URI1: variants seen among roughly 807,000 people sequenced by gnomAD.
URI1 encodes unconventional prefoldin RPB5 interactor 1.
In URI1, 39 loss-of-function variants were observed where a neutral mutation model predicts 60.2. That is an observed-to-expected ratio of 0.65 (90% CI 0.50 to 0.85). URI1 has a LOEUF of 0.85. URI1 is among the 40% of genes least tolerant of loss of function. The pLI is 0.00. For synonymous variants in URI1, 251 were observed against 236.8 expected (o/e 1.06, Z -0.55); for missense variants, 691 against 665.9 (o/e 1.04, Z -0.42).
chr19:29,970,603 G>A (rs1420976584), intron 1 of URI1, among the ~76,000 whole-genome samples: 1 of 152,046 alleles, frequency 6.6e-6, no homozygotes, highest in Non-Finnish European at 1.5e-5. Flanking sequence ...AGTGCTTACA[G>A]TCTTGATCAT....
chr19:29,946,371 T>G (rs1364746203), intron 1 of URI1, among the ~76,000 whole-genome samples: 1 of 152,232 alleles, frequency 6.6e-6, no homozygotes, highest in Non-Finnish European at 1.5e-5. Context: ...AAGGTGATGT[T>G]TCTGAGATAC....
chr19:29,942,132 C>T (rs2055032430), upstream of URI1: 1 of 829,396 alleles, frequency 1.2e-6, no homozygotes, highest in Non-Finnish European at 1.5e-6. Context: ...GCCCCAGCCA[C>T]GCGGTTCGCA....
chr19:29,978,619 A>C (rs1441236974), intron 2 of URI1, among the ~76,000 whole-genome samples: 1 of 152,162 alleles, frequency 6.6e-6, no homozygotes, highest in Non-Finnish European at 1.5e-5. Flanking sequence ...CTTGGTGATA[A>C]TCCTGAGTGC....
rs144764107 is a variant in URI1 at position 29,975,718 on chromosome 19, C to A, written c.152+4491C>A. Among the ~76,000 whole-genome samples the A allele has an allele frequency of 5.9e-3, 895 of 152,232 alleles. 11 individuals are homozygous for A. The highest frequency in any genetic ancestry group is 0.02 in the African/African-American group (851 of 41,524). On this transcript the variant is annotated intron_variant, in intron 2 of 10. Coordinates refer to ENST00000392271, the MANE Select transcript of URI1 (RefSeq NM_003796.3). ...ACGGGGTTTCACCGTGTTGCCCAGG[C>A]TGGTCTCGAACTCCTGAGCTCAGGC... is the stretch of plus-strand genomic sequence containing the variant.
intron 1 of URI1, among the ~76,000 whole-genome samples, chr19:29,931,330 G>T (rs2054915547): frequency 6.6e-6 from 1 of 152,144 alleles, no homozygotes; most frequent in Non-Finnish European, 1.5e-5. Flanking sequence ...CCATGATGAA[G>T]GTGTTGGAAA....
intron 4 of URI1, among the ~76,000 whole-genome samples, chr19:30,003,335 T>C (rs1189759397): frequency 6.6e-6 from 1 of 152,038 alleles, no homozygotes; most frequent in Admixed American, 6.6e-5. Context: ...ATAGGACTTA[T>C]GATAATTTAA....
chr19:29,963,313 TG>T (rs2055349534), intron 1 of URI1, among the ~76,000 whole-genome samples: 1 of 152,172 alleles, frequency 6.6e-6, no homozygotes, highest in South Asian at 2.1e-4. Context: ...TTTGAATCTC[TG>T]GGCTTTAATT....
chr19:29,969,925 A>T (rs545827811), intron 1 of URI1, among the ~76,000 whole-genome samples: 80 of 152,114 alleles, frequency 5.3e-4, no homozygotes, highest in Non-Finnish European at 1.0e-3. Context: ...TATGTGATTG[A>T]TACTTACTGA....
At chr19:29,957,446 T>A (rs901173875) in intron 1 of URI1, among the ~76,000 whole-genome samples, 1 of 152,132 alleles carries the variant, frequency 6.6e-6, no homozygotes, top group Non-Finnish European at 1.5e-5. Context: ...TCATAAATTA[T>A]GTGATTATTT....
At chr19:29,956,308 G>T (rs1266893661) in intron 1 of URI1, 3,115 of 292,276 alleles carry the variant, frequency 0.011, no homozygotes, top group Non-Finnish European at 0.017. Flanking sequence ...TTTTTTTTAA[G>T]AAGGTCCAAA....
intron 1 of URI1, among the ~76,000 whole-genome samples, chr19:29,948,765 G>T (rs2055133384): frequency 6.6e-6 from 1 of 152,150 alleles, no homozygotes; most frequent in South Asian, 2.1e-4. Context: ...GCAACAATCC[G>T]ATTCCTTTAT....
In URI1 at chr19:30,015,293, T is replaced by A; in HGVS notation, c.*224T>A. 1 of 1,418,638 alleles carries A rather than the reference T, an allele frequency of 7.0e-7. No individual in the cohort carries two copies. Among genetic ancestry groups the A allele is most frequent in the Non-Finnish European group, 9.2e-7 (1 of 1,092,702 alleles). 87.9% of individuals were successfully genotyped at this position (1,418,638 alleles called of 1,614,324 possible). ...TGAATTCTCTGAATACTGTCAACAC[T>A]CTTATCTAAGTTTGCCTTTATGATG... On this transcript the variant is annotated 3_prime_UTR_variant, in exon 11 of 11. Transcript: ENST00000392271.
At chr19:30,002,701 G>T (rs1405078633) in intron 4 of URI1, among the ~76,000 whole-genome samples, 1 of 151,736 alleles carries the variant, frequency 6.6e-6, no homozygotes, top group Non-Finnish European at 1.5e-5. Flanking sequence ...GGGGTGGGGG[G>T]AAGTATCTGT....
intron 4 of URI1, among the ~76,000 whole-genome samples, chr19:30,002,697 G>T (rs1447606079): frequency 6.6e-6 from 1 of 151,580 alleles, no homozygotes; most frequent in African/African-American, 2.4e-5. Flanking sequence ...TTTTGGGGTG[G>T]GGGGAAGTAT....
At chr19:29,949,503 G>GTGA (rs2055150395) in intron 1 of URI1, among the ~76,000 whole-genome samples, 2 of 137,148 alleles carry the variant, frequency 1.5e-5, no homozygotes, top group Non-Finnish European at 3.2e-5. Flanking sequence ...CTTCCCAGAC[G>GTGA]GGGTGGTGGC....
intron 4 of URI1, among the ~76,000 whole-genome samples, chr19:29,992,063 G>A (rs1240555407): frequency 6.6e-6 from 1 of 151,916 alleles, no homozygotes; most frequent in East Asian, 1.9e-4. Context: ...CATATTTAAA[G>A]TGGGTTTCTT....
At chr19:29,948,028 GA>G (rs1195288729) in intron 1 of URI1, among the ~76,000 whole-genome samples, 1 of 152,130 alleles carries the variant, frequency 6.6e-6, no homozygotes, top group African/African-American at 2.4e-5. Flanking sequence ...GCATTTATTG[GA>G]AAGAGTGTCA....
In URI1 at chr19:30,012,424, A is replaced by C. The variant is rs2056033774; in HGVS notation, c.1318A>C (p.Ser440Arg). ...EFDDRRGVLRSISCEEATCSD... is the reference protein window; with the variant it reads ...EFDDRRGVLRRISCEEATCSD... ...TGATGATAGGCGGGGAGTTTTGAGG[A>C]GTATCAGCTGCGAAGAAGCCACTTG... Residue 440 changes from serine to arginine, a missense_variant, in exon 10 of 11, where the codon AGT becomes CGT. Transcript: ENST00000392271. The C allele has an allele frequency of 6.2e-7, 1 of 1,614,056 alleles. No homozygotes were observed. The highest frequency in any genetic ancestry group is 8.5e-7 in the Non-Finnish European group (1 of 1,180,032).
intron 1 of URI1, among the ~76,000 whole-genome samples, chr19:29,959,088 A>G (rs888861502): frequency 6.6e-6 from 1 of 152,144 alleles, no homozygotes; most frequent in African/African-American, 2.4e-5. Flanking sequence ...TATATCCTAT[A>G]AAAGTTTATA....
Sources: allele counts gnomAD v4.1 joint callset (sites outside exome capture counted in the v4.1 genomes callset), GRCh38; gene constraint gnomAD v4.1.1; transcripts MANE v1.5; gene names NCBI Gene and HGNC (gene_info 2026-07-23, HGNC 2026-07-21).